DDR2: variants seen among roughly 807,000 people sequenced by gnomAD.
DDR2 encodes discoidin domain receptor tyrosine kinase 2, also known as discoidin domain-containing receptor 2.
Under a neutral mutation model 94.9 loss-of-function variants are expected in DDR2, and 27 were observed. The ratio of observed to expected loss-of-function variants is 0.28; its 90% CI spans 0.21 to 0.39. The LOEUF (loss-of-function observed/expected upper bound fraction) is 0.39, where lower values mean the gene tolerates loss of function less well. DDR2 is among the 10% of genes least tolerant of loss of function. The probability of loss-of-function intolerance (pLI) is 1.00; values close to 1 mark genes in which losing one functional copy is unlikely to be tolerated. For synonymous variants in DDR2, 382 were observed against 377.2 expected, an observed-to-expected ratio of 1.01 and a Z score of -0.15; for missense variants, 783 against 1,076.0, an observed-to-expected ratio of 0.73 and a Z score of 3.81.
At chr1:162,639,684 A>G (rs571497552) in intron 1 of DDR2, among the ~76,000 whole-genome samples, 1 of 152,364 alleles carries the variant, frequency 6.6e-6, no homozygotes, top group African/African-American at 2.4e-5. Flanking sequence ...AGACAATGTC[A>G]AGAGAATGAG....
intron 2 of DDR2, among the ~76,000 whole-genome samples, chr1:162,655,952 G>A (rs1325990619): frequency 6.6e-6 from 1 of 152,160 alleles, no homozygotes; most frequent in African/African-American, 2.4e-5. Context: ...GATACTGATT[G>A]CAGATTCATA....
chr1:162,758,462 A>G (rs1490314665), intron 7 of DDR2, among the ~76,000 whole-genome samples: 1 of 152,204 alleles, frequency 6.6e-6, no homozygotes, highest in Non-Finnish European at 1.5e-5. Flanking sequence ...GGGGGAACTG[A>G]ACAGGCATTC....
upstream of DDR2, chr1:162,632,189 A>ATGGG (rs1440438932): frequency 6.6e-6 from 1 of 152,082 alleles, no homozygotes; most frequent in Non-Finnish European, 1.5e-5. Flanking sequence ...GGAGATGGAT[A>ATGGG]TGGGTGGGAA....
intron 2 of DDR2, among the ~76,000 whole-genome samples, chr1:162,717,329 C>A (rs1379207890): frequency 6.6e-6 from 1 of 152,200 alleles, no homozygotes; most frequent in Admixed American, 6.5e-5. Flanking sequence ...AGCCACTGTG[C>A]CTGGCTTTCT....
intron 1 of DDR2, among the ~76,000 whole-genome samples, chr1:162,648,423 A>G (rs1407349271): frequency 6.6e-6 from 1 of 152,126 alleles, no homozygotes; most frequent in Non-Finnish European, 1.5e-5. Flanking sequence ...GGGAAATAAC[A>G]TTGCATAGAT....
chr1:162,733,978 T>C (rs1571261192), intron 3 of DDR2, among the ~76,000 whole-genome samples: 1 of 152,214 alleles, frequency 6.6e-6, no homozygotes, highest in African/African-American at 2.4e-5. Flanking sequence ...ATAATCAAAT[T>C]GTGCCTATTT....
At position 162,710,166 on chromosome 1, in the gene DDR2, CT is replaced by C. The variant is rs553633340; in HGVS notation, c.-27-8870del. 5.9e-3 allele frequency among the ~76,000 whole-genome samples: 905 copies of C among 152,292 alleles called. 15 individuals carry two copies. Among genetic ancestry groups the C allele is most frequent in the African/African-American group, 0.02 (840 of 41,546 alleles). The stretch of plus-strand genomic sequence containing the variant: ...AGATAGCCATCTAGCACTTTCCCCC[CT>C]CACCTCTCCTACAAACTCTAGCATC... On this transcript the variant is annotated intron_variant, in intron 2 of 17. Coordinates refer to ENST00000367921, the MANE Select transcript of DDR2 (RefSeq NM_006182.4).
chr1:162,681,059 T>C (rs988276569), intron 2 of DDR2, among the ~76,000 whole-genome samples: 2 of 152,176 alleles, frequency 1.3e-5, no homozygotes, highest in African/African-American at 4.8e-5. Flanking sequence ...AGATCCAGAT[T>C]GAAACCAGAC....
In DDR2 at chr1:162,773,557, C is replaced by T. The variant is rs2102189936; in HGVS notation, c.1817C>T (p.Ala606Val). The T allele has an allele frequency of 6.2e-7, 1 of 1,614,062 alleles. No homozygotes were observed. Among genetic ancestry groups the T allele is most frequent in the Non-Finnish European group, 8.5e-7 (1 of 1,179,934 alleles). The change falls in exon 14 of 18, where the codon GCT (alanine) becomes GTT (valine). Residue 606 changes from alanine (A) to valine (V), a missense_variant. Physicochemically the swap from Ala to Val is moderately conservative, Grantham distance 64 (BLOSUM62 0). Around this residue, in one of 2 missense-constraint regions of DDR2, gnomAD observed 264 missense variants for 428.2 expected, o/e 0.62. Transcript: ENST00000367921. ...DVSANQPVLV[A>V]VKMLRADANK... ...AGTGCCAACCAGCCTGTCCTGGTGG[C>T]TGTGAAAATGCTCCGAGCAGATGCC... is the stretch of plus-strand genomic sequence containing the variant.
chr1:162,771,297 G>A (rs1042526413), intron 12 of DDR2, among the ~76,000 whole-genome samples: 1 of 152,200 alleles, frequency 6.6e-6, no homozygotes, highest in African/African-American at 2.4e-5. Context: ...TAGTGTTCAG[G>A]AGAGAGGAGC....
At chr1:162,651,905 C>T (rs1005399730) in intron 1 of DDR2, among the ~76,000 whole-genome samples, 2 of 152,108 alleles carry the variant, frequency 1.3e-5, no homozygotes, top group African/African-American at 4.8e-5. Context: ...TATAACTTTG[C>T]GTTAGTAAGA....
intron 1 of DDR2, among the ~76,000 whole-genome samples, chr1:162,642,277 C>G (rs941502237): frequency 1.4e-5 from 2 of 146,454 alleles, no homozygotes; most frequent in Non-Finnish European, 3.0e-5. Flanking sequence ...ATTTATCTAT[C>G]TATCTATTTT....
intron 2 of DDR2, among the ~76,000 whole-genome samples, chr1:162,661,956 G>A (rs193174309): frequency 1.3e-5 from 2 of 152,256 alleles, no homozygotes; most frequent in Admixed American, 6.5e-5. Context: ...TGAAGAGTCC[G>A]GGTAGACATA....
chr1:162,696,912 G>C (rs746464413), intron 2 of DDR2, among the ~76,000 whole-genome samples: 1 of 152,052 alleles, frequency 6.6e-6, no homozygotes, highest in Non-Finnish European at 1.5e-5. Context: ...TGTTGGGCCT[G>C]GGTTCCTGTA....
chr1:162,641,795 G>A (rs1359944956), intron 1 of DDR2, among the ~76,000 whole-genome samples: 2 of 152,146 alleles, frequency 1.3e-5, no homozygotes, highest in African/African-American at 4.8e-5. Flanking sequence ...ACTATCAGAA[G>A]TACTGGACTT....
chr1:162,712,162 G>T (rs1156444964), intron 2 of DDR2, among the ~76,000 whole-genome samples: 1 of 150,134 alleles, frequency 6.7e-6, no homozygotes, highest in Non-Finnish European at 1.5e-5. Context: ...AGTTGGAAAA[G>T]AGAAATATGG....
chr1:162,699,776 A>G (rs920954882), intron 2 of DDR2, among the ~76,000 whole-genome samples: 5 of 152,244 alleles, frequency 3.3e-5, no homozygotes, highest in African/African-American at 1.2e-4. Flanking sequence ...TCCAAGTGAA[A>G]ATTCAGTTTT....
chr1:162,659,353 A>G (rs1338826816), intron 2 of DDR2, among the ~76,000 whole-genome samples: 1 of 152,136 alleles, frequency 6.6e-6, no homozygotes, highest in East Asian at 1.9e-4. Context: ...GCTAGGAAGG[A>G]ATTTGATATG....
chr1:162,774,644 T>A (rs1383392195), intron 14 of DDR2, among the ~76,000 whole-genome samples: 1 of 152,124 alleles, frequency 6.6e-6, no homozygotes, highest in Non-Finnish European at 1.5e-5. Flanking sequence ...GAAAGTGGCA[T>A]GAGGGGAAAC....
Sources: allele counts gnomAD v4.1 joint callset (sites outside exome capture counted in the v4.1 genomes callset), GRCh38; gene constraint gnomAD v4.1.1; regional missense constraint gnomAD v4.1.1; transcripts MANE v1.5; gene names NCBI Gene and HGNC (gene_info 2026-07-23, HGNC 2026-07-21).